Variants in SPSB4 observed in about 807,000 individuals in gnomAD.
The protein encoded by SPSB4 is SPRY domain-containing SOCS box protein 4.
SPSB4 carries 21 observed loss-of-function variants against 20.9 expected under a neutral mutation model. The ratio of observed to expected loss-of-function variants is 1.01; its 90% CI spans 0.71 to 1.45. The LOEUF is 1.45. SPSB4 is among the 40% of genes most tolerant of loss of function. The pLI, the probability that SPSB4 is intolerant of heterozygous loss-of-function variation, is 0.00. For missense variants in SPSB4, 399 were observed against 399.2 expected (o/e 1.00, Z 0.00); for synonymous variants, 207 against 183.8 (o/e 1.13, Z -1.02).
chr3:141,084,910 G>T (rs1439636571), intron 2 of SPSB4, among the ~76,000 whole-genome samples: 1 of 152,230 alleles, frequency 6.6e-6, no homozygotes, highest in East Asian at 1.9e-4. Flanking sequence ...GTGCCAGTAA[G>T]TCCGAAAGAC....
chr3:141,095,287 G>A (rs918132270), intron 2 of SPSB4, among the ~76,000 whole-genome samples: 3 of 152,158 alleles, frequency 2.0e-5, no homozygotes, highest in Non-Finnish European at 2.9e-5. Flanking sequence ...GGGCTACTGC[G>A]AGGCGGAAAA....
chr3:141,134,018 C>CTTTTTTTTTTTTTT (rs1228757184), intron 2 of SPSB4, among the ~76,000 whole-genome samples: 1 of 56,486 alleles, frequency 1.8e-5, no homozygotes, highest in Admixed American at 1.5e-4. Context: ...AGTATTTTTC[C>CTTTTTTTTTTTTTT]TTTTTTTTTT....
chr3:141,138,120 A>G (rs1576543775), intron 2 of SPSB4, among the ~76,000 whole-genome samples: 1 of 152,164 alleles, frequency 6.6e-6, no homozygotes, highest in African/African-American at 2.4e-5. Flanking sequence ...GTTTATTTTC[A>G]TAGAGGTGTT....
At chr3:141,089,300 T>G (rs1020176195) in intron 2 of SPSB4, among the ~76,000 whole-genome samples, 2 of 152,106 alleles carry the variant, frequency 1.3e-5, no homozygotes, top group Non-Finnish European at 2.9e-5. Flanking sequence ...CCACAAAGAT[T>G]GGCCAAAACG....
chr3:141,147,272 C>T lies in SPSB4; in HGVS notation c.*3C>T. 6.2e-7 allele frequency: 1 copy of T among 1,614,198 alleles called. No individual in the cohort carries two copies. The highest frequency in any genetic ancestry group is 8.5e-7 in the Non-Finnish European group (1 of 1,180,038). On this transcript the variant is annotated 3_prime_UTR_variant, in exon 3 of 3. Coordinates refer to ENST00000310546, the MANE Select transcript of SPSB4 (RefSeq NM_080862.3). The stretch of plus-strand genomic sequence containing the variant: ...AAAACTATCTGCAGTACCAGTGAGC[C>T]AAGCCTGATGGGCAGCACAGACACA...
At chr3:141,090,814 G>A (rs73872044) in intron 2 of SPSB4, among the ~76,000 whole-genome samples, 5,162 of 152,276 alleles carry the variant, frequency 0.034, 261 homozygotes, top group East Asian at 0.14. Context: ...CCGTAGAGGG[G>A]CCAGGGCAGA....
chr3:141,142,747 T>G (rs1239824921), intron 2 of SPSB4, among the ~76,000 whole-genome samples: 1 of 151,604 alleles, frequency 6.6e-6, no homozygotes, highest in African/African-American at 2.4e-5. Context: ...TATTTAGGAT[T>G]GTGATATTTT....
chr3:141,073,019 G>A (rs934959368), intron 2 of SPSB4, among the ~76,000 whole-genome samples: 1 of 152,180 alleles, frequency 6.6e-6, no homozygotes, highest in African/African-American at 2.4e-5. Flanking sequence ...ATATGGTTGT[G>A]TTATAATCTA....
At chr3:141,053,557 C>T (rs1163552724) in intron 1 of SPSB4, among the ~76,000 whole-genome samples, 5 of 152,016 alleles carry the variant, frequency 3.3e-5, no homozygotes. Context: ...ATGACATATA[C>T]CACTCCTATC....
chr3:141,105,964 A>T (rs188643947), intron 2 of SPSB4, among the ~76,000 whole-genome samples: 133 of 152,358 alleles, frequency 8.7e-4, no homozygotes, highest in South Asian at 6.4e-3. Context: ...CTACATCGCC[A>T]CCTGGTGGTA....
In SPSB4 at chr3:141,064,023, C is replaced by T. The variant is rs539449683; in HGVS notation, c.-153-1929C>T. Among the ~76,000 whole-genome samples the T allele has an allele frequency of 9.1e-4, 139 of 152,368 alleles. 1 individual carries two copies. Among genetic ancestry groups the T allele is most frequent in the African/African-American group, 3.2e-3 (135 of 41,584 alleles). On this transcript the variant is annotated intron_variant, in intron 1 of 2. Coordinates refer to ENST00000310546, the MANE Select transcript of SPSB4 (RefSeq NM_080862.3). ...CTGTGGTTTCCTCTGTTGGCCCTGC[C>T]CTCCTCTTCCCCCAGGGTGTAGGAG...
chr3:141,124,746 A>G (rs1158613909), intron 2 of SPSB4, among the ~76,000 whole-genome samples: 2 of 152,140 alleles, frequency 1.3e-5, no homozygotes, highest in Non-Finnish European at 2.9e-5. Flanking sequence ...CCACTAGAGA[A>G]GTACAGCAGT....
At chr3:141,144,753 C>G in intron 2 of SPSB4, among the ~76,000 whole-genome samples, 1 of 152,216 alleles carries the variant, frequency 6.6e-6, no homozygotes, top group East Asian at 1.9e-4. Flanking sequence ...AAAAGACATT[C>G]TGTCCTCTTC....
At chr3:141,088,519 A>T (rs1277030996) in intron 2 of SPSB4, among the ~76,000 whole-genome samples, 1 of 152,234 alleles carries the variant, frequency 6.6e-6, no homozygotes, top group Non-Finnish European at 1.5e-5. Context: ...TGCTGTGGGC[A>T]TCAGTCAGTT....
chr3:141,069,258 C>CT (rs1156386942), intron 2 of SPSB4, among the ~76,000 whole-genome samples: 13 of 152,180 alleles, frequency 8.5e-5, no homozygotes, highest in African/African-American at 3.1e-4. Context: ...GGGACAATCT[C>CT]TGACTCCAGA....
intron 2 of SPSB4, among the ~76,000 whole-genome samples, chr3:141,137,664 G>A (rs529615920): frequency 4.1e-4 from 62 of 152,238 alleles, no homozygotes; most frequent in African/African-American, 1.1e-3. Flanking sequence ...TTGAACCAGC[G>A]TTGCATCCCA....
intron 2 of SPSB4, among the ~76,000 whole-genome samples, chr3:141,081,633 G>T (rs977002157): frequency 6.6e-6 from 1 of 152,046 alleles, no homozygotes; most frequent in African/African-American, 2.4e-5. Context: ...GGACAGCAGG[G>T]GCCAGGAGCT....
At chr3:141,061,346 G>A (rs1169048262) in intron 1 of SPSB4, among the ~76,000 whole-genome samples, 1 of 151,998 alleles carries the variant, frequency 6.6e-6, no homozygotes, top group African/African-American at 2.4e-5. Flanking sequence ...TGGTTAATGA[G>A]ATAGGAGAAA....
intron 2 of SPSB4, among the ~76,000 whole-genome samples, chr3:141,137,446 A>G (rs1939248870): frequency 1.3e-5 from 2 of 152,174 alleles, no homozygotes. Flanking sequence ...GTTTTTGCCC[A>G]TTCGGTATGA....
Sources: allele counts gnomAD v4.1 joint callset (sites outside exome capture counted in the v4.1 genomes callset), GRCh38; gene constraint gnomAD v4.1.1; transcripts MANE v1.5; gene names NCBI Gene and HGNC (gene_info 2026-07-23, HGNC 2026-07-21).